FBXO43: variants seen among roughly 807,000 people sequenced by gnomAD.
The protein encoded by FBXO43 is F-box only protein 43.
Under a neutral mutation model 56.7 loss-of-function variants are expected in FBXO43, and 22 were observed. That is an observed-to-expected ratio of 0.39 (90% confidence interval 0.28 to 0.55). The LOEUF (loss-of-function observed/expected upper bound fraction) is 0.55, where lower values mean the gene tolerates loss of function less well. Ranked by LOEUF, FBXO43 falls within the 20% of genes least tolerant of loss-of-function variation. The pLI, the probability that FBXO43 is intolerant of heterozygous loss-of-function variation, is 0.66. For synonymous variants in FBXO43, 306 were observed against 294.5 expected (o/e 1.04, Z -0.40); for missense variants, 733 against 814.9 (o/e 0.90, Z 1.22).
rs1422044106 is a variant in FBXO43, at chr8:100,134,003, C to T, written c.1926G>A (p.Arg642=). The change falls in exon 5 of 5, where the codon AGG becomes AGA. Residue 642 remains arginine (R), a synonymous_variant. Transcript: ENST00000428847. The part of the protein sequence containing the change: ...FTDEALKPCP[R]CQSPAKYQPY... ...GCTGGTACTTAGCAGGGGACTGGCA[C>T]CTTGGGCAAGGTTTTAATGCTTCAT... The T allele has an allele frequency of 6.2e-7, 1 of 1,614,168 alleles. No homozygotes were observed. Among genetic ancestry groups the T allele is most frequent in the Non-Finnish European group, 8.5e-7 (1 of 1,180,028 alleles).
chr8:100,147,770 A>G (rs1463146972), upstream of FBXO43, among the ~76,000 whole-genome samples: 3 of 152,194 alleles, frequency 2.0e-5, no homozygotes, highest in Non-Finnish European at 4.4e-5. Context: ...GAGTGAGGGA[A>G]TGAAGAGTAT....
At chr8:100,150,385 T>C (rs1157653615), upstream of FBXO43, among the ~76,000 whole-genome samples, 3 of 152,244 alleles carry the variant, frequency 2.0e-5, no homozygotes, top group East Asian at 5.8e-4. Context: ...GGAAAAGTGT[T>C]ACTTTGTACC....
chr8:100,135,463 G>A (rs1239464541), intron 3 of FBXO43, among the ~76,000 whole-genome samples: 1 of 152,108 alleles, frequency 6.6e-6, no homozygotes, highest in Non-Finnish European at 1.5e-5. Flanking sequence ...GGATAGTCCA[G>A]TTTGACTTTT....
chr8:100,134,126 T>G, intron 4 of FBXO43, 35 bp downstream of exon 4: 1 of 1,602,810 alleles, frequency 6.2e-7, no homozygotes. Context: ...TGTAAATATT[T>G]ATTTCTAATA....
intron 3 of FBXO43, 85 bp from the exon 4 acceptor site, chr8:100,134,449 T>C: frequency 8.6e-7 from 1 of 1,161,544 alleles, no homozygotes; most frequent in Non-Finnish European, 1.2e-6. Context: ...TTTATATGCT[T>C]TGAAGAGGTT....
rs968748805 is a variant in FBXO43 at position 100,133,529 on chromosome 8, T to C, written c.*273A>G. The stretch of plus-strand genomic sequence containing the variant: ...GATGAAATGCACAAATTTAAAATGT[T>C]ACATAAAACAATAAAGTACATACAT... On this transcript the variant is annotated 3_prime_UTR_variant, in exon 5 of 5. Transcript: ENST00000428847. 6 of 257,976 alleles carry C rather than the reference T, an allele frequency of 2.3e-5. No homozygotes were observed. The highest frequency in any genetic ancestry group is 4.9e-5 in the Admixed American group (1 of 20,352). 16.0% of individuals were successfully genotyped at this position (257,976 alleles called of 1,614,324 possible). A position where few individuals can be genotyped will look rare whatever the true frequency, so the allele number is the denominator to read the frequency against.
intron 3 of FBXO43, among the ~76,000 whole-genome samples, chr8:100,135,914 G>C (rs1814454897): frequency 1.3e-5 from 2 of 151,010 alleles, no homozygotes; most frequent in Admixed American, 1.3e-4. Flanking sequence ...CCAAATATGA[G>C]ACTATTTCTT....
At chr8:100,138,829 G>T (rs1329936270) in intron 2 of FBXO43, among the ~76,000 whole-genome samples, 1 of 152,220 alleles carries the variant, frequency 6.6e-6, no homozygotes, top group East Asian at 1.9e-4. Flanking sequence ...CTAGAGCCTA[G>T]GAGTTTGAGA....
rs1378487483 is a variant in FBXO43 at position 100,142,090 on chromosome 8, G to A, written c.164C>T (p.Pro55Leu). 2.5e-6 allele frequency: 4 copies of A among 1,613,100 alleles called. No individual in the cohort carries two copies. The highest frequency in any genetic ancestry group is 3.4e-6 in the Non-Finnish European group (4 of 1,179,636). The change falls in exon 2 of 5, where the codon CCA becomes CTA. Residue 55 changes from proline (P) to leucine (L), a missense_variant. Pro to Leu is a moderately conservative substitution (Grantham distance 98). Transcript: ENST00000428847. ...TEAGNGADSP[P>L]IVNSKYSTFR... is the part of the protein sequence containing the mutation. ...GGTGGAGTACTTGGAGTTGACAATT[G>A]GAGGAGAGTCCGCCCCATTTCCTGC...
chr8:100,139,832 A>T (rs796253798), intron 2 of FBXO43, among the ~76,000 whole-genome samples: 1 of 152,254 alleles, frequency 6.6e-6, no homozygotes. Flanking sequence ...AAAATGAAAT[A>T]ATCCACATTC....
upstream of FBXO43, among the ~76,000 whole-genome samples, chr8:100,146,660 C>A (rs532378270): frequency 2.0e-5 from 3 of 152,296 alleles, no homozygotes; most frequent in South Asian, 6.2e-4. Context: ...TTTCTGGCTT[C>A]TTTTCCTTGG....
At chr8:100,150,455 T>C (rs1814897613), upstream of FBXO43, 1 of 152,262 alleles carries the variant, frequency 6.6e-6, no homozygotes, top group African/African-American at 2.4e-5. Flanking sequence ...AATGCTCTGC[T>C]TTCCTGCAAA....
chr8:100,147,281 A>G (rs1319009244), upstream of FBXO43, among the ~76,000 whole-genome samples: 1 of 152,272 alleles, frequency 6.6e-6, no homozygotes, highest in African/African-American at 2.4e-5. Flanking sequence ...GAGGAACAGT[A>G]GCAGCACAAA....
upstream of FBXO43, among the ~76,000 whole-genome samples, chr8:100,149,484 A>C (rs568756805): frequency 3.9e-5 from 6 of 152,298 alleles, no homozygotes; most frequent in African/African-American, 1.4e-4. Context: ...GGTTAAGAGG[A>C]GAGGTACTTT....
upstream of FBXO43, among the ~76,000 whole-genome samples, chr8:100,146,254 GTTC>G (rs974880089): frequency 2.6e-5 from 4 of 152,252 alleles, no homozygotes; most frequent in African/African-American, 9.6e-5. Context: ...TTGCTTTTTA[GTTC>G]TTTTTATCTG....
At position 100,141,470 on chromosome 8, in the gene FBXO43, T is replaced by A; in HGVS notation, c.784A>T (p.Ile262Phe). ...CTGCTATCACTAAAGTCATGTGTGA[T>A]AGAGTCTTTAAAATTATTGCCCTGA... ...PIQGNNFKDSITHDFSDSSLC... is the reference protein window; with the variant it reads ...PIQGNNFKDSFTHDFSDSSLC... Residue 262 changes from isoleucine to phenylalanine, a missense_variant, in exon 2 of 5, where the codon ATC becomes TTC. Physicochemically the swap from Ile to Phe is conservative, Grantham distance 21. Transcript: ENST00000428847. The A allele has an allele frequency of 6.2e-7, 1 of 1,613,364 alleles. No homozygotes were observed. The highest frequency in any genetic ancestry group is 1.1e-5 in the South Asian group (1 of 91,070).
chr8:100,145,099 A>C lies in FBXO43; in HGVS notation c.37T>G (p.Leu13Val), dbSNP rs1396573068. 1.2e-6 allele frequency: 2 copies of C among 1,612,896 alleles called. No individual in the cohort carries two copies. Among genetic ancestry groups the C allele is most frequent in the Non-Finnish European group, 1.7e-6 (2 of 1,179,240 alleles). ...FKDKDERISC[L>V]EAYVTLTSKS... ...GATGTCAAAGTTACGTAGGCTTCCA[A>C]ACAAGAAATTCTCTCATCTTTGTCT... Residue 13 changes from leucine to valine, a missense_variant, in exon 1 of 5, where the codon TTG becomes GTG. By Grantham distance (32) the Leu-to-Val change is conservative. Coordinates refer to ENST00000428847, the MANE Select transcript of FBXO43 (RefSeq NM_001029860.4).
chr8:100,135,927 CTTT>C (rs76409293), intron 3 of FBXO43, among the ~76,000 whole-genome samples: 2 of 140,514 alleles, frequency 1.4e-5, no homozygotes, highest in African/African-American at 2.6e-5. Flanking sequence ...TATTTCTTTT[CTTT>C]TTTTTTTTTT....
rs773896775 is a variant in FBXO43, at chr8:100,141,216, A to C, written c.1038T>G (p.Asp346Glu). The C allele has an allele frequency of 6.2e-7, 1 of 1,614,160 alleles. No homozygotes were observed. The highest frequency in any genetic ancestry group is 1.1e-5 in the South Asian group (1 of 91,076). ...FNSLSLEKSE[D>E]SLSDQEGSFQ... ...AAGAACCCTCCTGGTCAGACAGGGAATCTTCTGATTTCTCCAAGCTAAGTG... is the reference window on the plus strand; with the variant it reads ...AAGAACCCTCCTGGTCAGACAGGGACTCTTCTGATTTCTCCAAGCTAAGTG... The change falls in exon 2 of 5, where the codon GAT becomes GAG. Residue 346 changes from aspartate (D) to glutamate (E), a missense_variant. Asp to Glu is a conservative substitution (Grantham distance 45, BLOSUM62 2). Transcript: ENST00000428847.
Sources: allele counts gnomAD v4.1 joint callset (sites outside exome capture counted in the v4.1 genomes callset), GRCh38; gene constraint gnomAD v4.1.1; transcripts MANE v1.5; gene names NCBI Gene and HGNC (gene_info 2026-07-23, HGNC 2026-07-21).